Variants in NSUN6 observed in about 807,000 individuals in gnomAD.
NSUN6 encodes the protein NOP2/Sun RNA methyltransferase 6, also known as tRNA (cytosine(72)-C(5))-methyltransferase NSUN6.
In NSUN6, 64 loss-of-function variants were observed where a neutral mutation model predicts 58.0. The ratio of observed to expected loss-of-function variants is 1.10; its 90% confidence interval spans 0.90 to 1.36. The LOEUF (loss-of-function observed/expected upper bound fraction) is 1.36. Among genes scored for constraint, NSUN6 ranks in the 40% most tolerant of loss-of-function variants. The pLI, the probability that NSUN6 is intolerant of heterozygous loss-of-function variation, is 0.00. For synonymous variants in NSUN6, 231 were observed against 193.9 expected (o/e 1.19, Z -1.59); for missense variants, 701 against 550.1 (o/e 1.27, Z -2.74).
chr10:18,602,067 G>C (rs1033890827), intron 6 of NSUN6, among the ~76,000 whole-genome samples: 7 of 151,096 alleles, frequency 4.6e-5, no homozygotes, highest in Admixed American at 2.0e-4. Flanking sequence ...TGGTGGGGTT[G>C]TTTTGTTTTG....
At chr10:18,627,720 G>C (rs1246945094) in intron 3 of NSUN6, among the ~76,000 whole-genome samples, 3 of 152,242 alleles carry the variant, frequency 2.0e-5, no homozygotes, top group Non-Finnish European at 4.4e-5. Context: ...AAAAACCGGA[G>C]CACCAGGAGA....
intron 6 of NSUN6, among the ~76,000 whole-genome samples, chr10:18,600,941 A>AAAAAAATATAT (rs1487679670): frequency 2.3e-5 from 1 of 43,542 alleles, no homozygotes; most frequent in African/African-American, 8.0e-5. Flanking sequence ...AAAAAAAAAA[A>AAAAAAATATAT]ATATATATAT....
At chr10:18,567,597 CTCCATTCCATTCTCTAT>C (rs1240071655) in intron 8 of NSUN6, among the ~76,000 whole-genome samples, 95 of 149,174 alleles carry the variant, frequency 6.4e-4, no homozygotes, top group African/African-American at 1.9e-3. Flanking sequence ...GCATTCCATT[CTCCATTCCATTCTCTAT>C]TCCATTCCAT....
chr10:18,553,877 G>A (rs532070351), intron 8 of NSUN6, among the ~76,000 whole-genome samples: 1 of 150,072 alleles, frequency 6.7e-6, no homozygotes, highest in Admixed American at 6.7e-5. Flanking sequence ...AGATTGAACT[G>A]GAATGCAGAG....
chr10:18,563,340 T>C (rs1027357349), intron 8 of NSUN6, among the ~76,000 whole-genome samples: 8 of 149,952 alleles, frequency 5.3e-5, no homozygotes, highest in African/African-American at 1.2e-4. Flanking sequence ...CAGAATGGAA[T>C]AGAATAGAGA....
At chr10:18,546,602 G>A (rs916272861) in intron 10 of NSUN6, among the ~76,000 whole-genome samples, 4 of 152,290 alleles carry the variant, frequency 2.6e-5, no homozygotes, top group Middle Eastern at 3.4e-3. Flanking sequence ...CAAAGGCCAG[G>A]CACAGTGGCT....
At chr10:18,575,628 T>G (rs2056609113) in intron 8 of NSUN6, among the ~76,000 whole-genome samples, 1 of 152,118 alleles carries the variant, frequency 6.6e-6, no homozygotes, top group Non-Finnish European at 1.5e-5. Flanking sequence ...AAAGAATGAA[T>G]CAGACCTTAA....
At chr10:18,632,314 C>G (rs1010871952) in intron 3 of NSUN6, among the ~76,000 whole-genome samples, 4 of 136,582 alleles carry the variant, frequency 2.9e-5, no homozygotes, top group African/African-American at 1.1e-4. Flanking sequence ...AGAAGAAAAC[C>G]TAGGCATTAC....
upstream of NSUN6, chr10:18,652,074 A>G: frequency 1.0e-6 from 1 of 985,398 alleles, no homozygotes; most frequent in Non-Finnish European, 1.2e-6. Context: ...CATATTTTTG[A>G]AAGTTGGGCT....
At chr10:18,593,103 A>G (rs534038500) in intron 7 of NSUN6, among the ~76,000 whole-genome samples, 14 of 152,372 alleles carry the variant, frequency 9.2e-5, no homozygotes, top group African/African-American at 3.4e-4. Context: ...ACATATGAAA[A>G]AAAGCTCGTC....
intron 3 of NSUN6, among the ~76,000 whole-genome samples, chr10:18,638,269 C>T (rs1034192427): frequency 6.6e-6 from 1 of 151,964 alleles, no homozygotes; most frequent in Non-Finnish European, 1.5e-5. Flanking sequence ...ATGGAGAAAC[C>T]CCATCTACTA....
At position 18,620,149 on chromosome 10, in the gene NSUN6, G is replaced by A. The variant is rs146639072; in HGVS notation, c.312-3856C>T. On this transcript the variant is annotated intron_variant, in intron 3 of 10. Coordinates refer to ENST00000377304, the MANE Select transcript of NSUN6 (RefSeq NM_182543.5). ...GTCTCCCAGGCTGGAGTGCAGTTGC[G>A]CCATCTTGGCTCGCTGCAAGCTCCA... Among the ~76,000 whole-genome samples, 388 of 150,854 alleles carry A rather than the reference G, an allele frequency of 2.6e-3. 3 individuals carry two copies. The highest frequency in any genetic ancestry group is 8.9e-3 in the African/African-American group (366 of 41,018).
At chr10:18,630,847 C>A (rs1177412585) in intron 3 of NSUN6, among the ~76,000 whole-genome samples, 2 of 152,086 alleles carry the variant, frequency 1.3e-5, no homozygotes, top group Non-Finnish European at 2.9e-5. Flanking sequence ...GGTACCATTC[C>A]TTCTGAAACT....
At chr10:18,599,068 TG>T (rs1293667033) in intron 6 of NSUN6, among the ~76,000 whole-genome samples, 2 of 152,090 alleles carry the variant, frequency 1.3e-5, no homozygotes, top group Non-Finnish European at 2.9e-5. Context: ...GATAGAGTCT[TG>T]CTCTGTCACA....
In NSUN6 at chr10:18,651,208, C is replaced by T; in HGVS notation, c.-5G>A. ...TATCTTAGGGAAAATAGACATTTTT[C>T]CTGTTGTTTAGTTCTCCACCAAGAG... On this transcript the variant is annotated 5_prime_UTR_variant, in exon 1 of 11. Transcript: ENST00000377304. 1 of 1,555,216 alleles carries T rather than the reference C, an allele frequency of 6.4e-7. No individual in the cohort carries two copies. Among genetic ancestry groups the T allele is most frequent in the South Asian group, 1.2e-5 (1 of 81,890 alleles).
At chr10:18,567,623 A>C (rs1490162097) in intron 8 of NSUN6, among the ~76,000 whole-genome samples, 1 of 142,002 alleles carries the variant, frequency 7.0e-6, no homozygotes, top group Non-Finnish European at 1.5e-5. Context: ...ATTCCATTCC[A>C]TTCTCTATTC....
intron 8 of NSUN6, among the ~76,000 whole-genome samples, chr10:18,584,843 T>C (rs2057056096): frequency 6.6e-6 from 1 of 151,234 alleles, no homozygotes; most frequent in Non-Finnish European, 1.5e-5. Flanking sequence ...GATTGTTAAT[T>C]AGGAACAATG....
At chr10:18,610,978 A>G (rs1168501655) in intron 5 of NSUN6, among the ~76,000 whole-genome samples, 3 of 152,114 alleles carry the variant, frequency 2.0e-5, no homozygotes, top group Non-Finnish European at 4.4e-5. Context: ...CTGGCACAGG[A>G]GGATCACTTG....
intron 7 of NSUN6, among the ~76,000 whole-genome samples, chr10:18,593,638 A>G (rs1051514348): frequency 2.6e-5 from 4 of 152,116 alleles, no homozygotes; most frequent in African/African-American, 9.7e-5. Flanking sequence ...GTTCTCACTC[A>G]TAAGTGGGAG....
Sources: gnomAD v4.1 joint callset for allele counts (sites outside exome capture counted in the v4.1 genomes callset) on GRCh38, gnomAD v4.1.1 for gene constraint, MANE v1.5 for transcripts, NCBI Gene and HGNC (gene_info 2026-07-23, HGNC 2026-07-21) for gene names.